NUP155: variants seen among roughly 807,000 people sequenced by gnomAD.
The protein encoded by NUP155 is nuclear pore complex protein Nup155.
NUP155 carries 71 observed loss-of-function variants against 180.4 expected under a neutral mutation model. The ratio of observed to expected loss-of-function variants is 0.39; its 90% CI spans 0.33 to 0.48. NUP155 has a LOEUF of 0.48. NUP155 is among the 20% of genes least tolerant of loss of function. The probability of loss-of-function intolerance (pLI) is 0.91; values close to 1 mark genes in which losing one functional copy is unlikely to be tolerated. For synonymous variants in NUP155, 582 were observed against 559.5 expected, an observed-to-expected ratio of 1.04 and a Z score of -0.57; for missense variants, 1,553 against 1,648.9, an observed-to-expected ratio of 0.94 and a Z score of 1.01.
intron 12 of NUP155, 150 bp from the exon 13 acceptor site, chr5:37,333,783 T>A: frequency 1.4e-6 from 1 of 689,988 alleles, no homozygotes; most frequent in Non-Finnish European, 2.4e-6. Flanking sequence ...TACTATCTTT[T>A]TTTTAAATCA....
rs146805624 is a variant in NUP155, at chr5:37,334,301, C to T, written c.1348-668G>A. ...TATGTTTTGTATGAACAGGGTTTTA[C>T]CATGTTGCCCAGGATGTTCTCGAAC... is the stretch of plus-strand genomic sequence containing the variant. On this transcript the variant is annotated intron_variant, in intron 12 of 34. Transcript: ENST00000231498. Among the ~76,000 whole-genome samples, 710 of 152,156 alleles carry T rather than the reference C, an allele frequency of 4.7e-3. 6 individuals are homozygous for T. The highest frequency in any genetic ancestry group is 6.8e-3 in the Non-Finnish European group (461 of 67,998).
chr5:37,345,886 G>A (rs1462807447), intron 9 of NUP155, among the ~76,000 whole-genome samples: 1 of 140,070 alleles, frequency 7.1e-6, no homozygotes, highest in Admixed American at 7.4e-5. Flanking sequence ...CCTGGGTGAC[G>A]TGACAGAGTG....
chr5:37,360,041 C>T (rs1457324532), intron 3 of NUP155, among the ~76,000 whole-genome samples: 1 of 151,852 alleles, frequency 6.6e-6, no homozygotes, highest in Non-Finnish European at 1.5e-5. Flanking sequence ...TCACTTGAAC[C>T]TGGGAGGTGG....
At chr5:37,349,096 T>C in intron 8 of NUP155, 76 bp downstream of exon 8, 1 of 393,578 alleles carries the variant, frequency 2.5e-6, no homozygotes, top group Non-Finnish European at 4.6e-6. Flanking sequence ...TAGGAAAAAT[T>C]TAAGAGGTGG....
intron 11 of NUP155, 127 bp downstream of exon 11, chr5:37,340,963 C>T (rs1388614391): frequency 1.3e-6 from 1 of 792,800 alleles, no homozygotes; most frequent in African/African-American, 1.7e-5. Flanking sequence ...CCCCTACTTC[C>T]CTGACCCTTC....
At chr5:37,357,371 C>A (rs760615778) in intron 4 of NUP155, among the ~76,000 whole-genome samples, 1 of 111,672 alleles carries the variant, frequency 9.0e-6, no homozygotes, top group Non-Finnish European at 1.7e-5. Flanking sequence ...CACTCCAGCC[C>A]GGGTGATAGA....
Position 37,334,305 on chromosome 5 carries a change from G to T in NUP155, c.1348-672C>A, listed in dbSNP as rs1465784539. The stretch of plus-strand genomic sequence containing the variant: ...TTTTGTATGAACAGGGTTTTACCAT[G>T]TTGCCCAGGATGTTCTCGAACTCCT... On this transcript the variant is annotated intron_variant, in intron 12 of 34. Coordinates refer to ENST00000231498, the MANE Select transcript of NUP155 (RefSeq NM_153485.3). Among the ~76,000 whole-genome samples the T allele has an allele frequency of 7.2e-5, 11 of 151,972 alleles. No individual in the cohort carries two copies. The East Asian group carries it at 2.1e-3, about 29-fold the overall frequency.
At chr5:37,314,030 T>C (rs77529419) in intron 22 of NUP155, among the ~76,000 whole-genome samples, 168 bp downstream of exon 22, 2,942 of 152,228 alleles carry the variant, frequency 0.019, 43 homozygotes, top group Middle Eastern at 0.037. Context: ...TTTGAAAAAA[T>C]AGGTCCCCCA....
chr5:37,320,086 G>A (rs1390853520), intron 20 of NUP155, among the ~76,000 whole-genome samples: 1 of 152,154 alleles, frequency 6.6e-6, no homozygotes, highest in African/African-American at 2.4e-5. Context: ...TCAGGCGGCT[G>A]AGTCTGAGAT....
chr5:37,337,870 C>T lies in NUP155; in HGVS notation c.1295G>A (p.Trp432Ter). 6.2e-7 allele frequency: 1 copy of T among 1,611,764 alleles called. No homozygotes were observed. Among genetic ancestry groups the T allele is most frequent in the Non-Finnish European group, 8.5e-7 (1 of 1,178,794 alleles). ...AGGAAAAGTATCATGGTTGACACAC[C>T]ATAAAATATCATTATCCTCATTTTC... ...ASENEDNDIL[W>*]CVNHDTFPFQ... Residue 432 changes from tryptophan to a stop codon, truncating the protein, a stop_gained, in exon 12 of 35, where the codon TGG (tryptophan) becomes TAG (stop). Coordinates refer to ENST00000231498, the MANE Select transcript of NUP155 (RefSeq NM_153485.3). LOFTEE classifies it high-confidence loss of function.
At chr5:37,338,300 A>G (rs1745479092) in intron 11 of NUP155, among the ~76,000 whole-genome samples, 1 of 145,066 alleles carries the variant, frequency 6.9e-6, no homozygotes, top group Non-Finnish European at 1.5e-5. Context: ...CCTGGGCGCC[A>G]GAGCAAGATT....
intron 32 of NUP155, among the ~76,000 whole-genome samples, chr5:37,297,255 C>T (rs1742636599): frequency 6.6e-6 from 1 of 152,060 alleles, no homozygotes; most frequent in African/African-American, 2.4e-5. Context: ...TGGCTTCAAG[C>T]AATCTTCCTG....
chr5:37,366,124 T>A (rs1747571503), intron 1 of NUP155, among the ~76,000 whole-genome samples: 1 of 152,126 alleles, frequency 6.6e-6, no homozygotes, highest in African/African-American at 2.4e-5. Context: ...TGGGCAACCT[T>A]TCTCTTGCTC....
intron 32 of NUP155, among the ~76,000 whole-genome samples, chr5:37,296,414 A>G (rs1742574099): frequency 6.6e-6 from 1 of 151,906 alleles, no homozygotes; most frequent in South Asian, 2.1e-4. Context: ...TGCTGTGTCC[A>G]CTCAGGGTTA....
In NUP155 at chr5:37,371,070, G is replaced by A. The variant is rs568442250; in HGVS notation, c.-93C>T. The A allele has an allele frequency of 1.2e-5, 16 of 1,387,950 alleles. No individual in the cohort carries two copies. Among genetic ancestry groups the A allele is most frequent in the Middle Eastern group, 2.0e-4 (1 of 4,966 alleles). The allele number at this position is 1,387,950 out of a possible 1,614,324, so 86.0% of individuals were successfully genotyped here. A position where few individuals can be genotyped will look rare whatever the true frequency, so the allele number is the denominator to read the frequency against. ...GAAGTTAGCTTAGATCCGCCGCCTA[G>A]GGCGCGCGCGCCAAACGAGCGCCTT... On this transcript the variant is annotated 5_prime_UTR_variant, in exon 1 of 35. Coordinates refer to ENST00000231498, the MANE Select transcript of NUP155 (RefSeq NM_153485.3).
intron 4 of NUP155, among the ~76,000 whole-genome samples, chr5:37,354,019 T>C (rs1403903626): frequency 6.6e-6 from 1 of 152,178 alleles, no homozygotes; most frequent in East Asian, 1.9e-4. Flanking sequence ...AGCTAGACAA[T>C]TTTAGAAAAT....
At position 37,292,908 on chromosome 5, in the gene NUP155, C is replaced by T. The variant is rs772461010; in HGVS notation, c.4008G>A (p.Glu1336=). The T allele has an allele frequency of 3.1e-6, 5 of 1,611,338 alleles. No individual in the cohort carries two copies. The highest frequency in any genetic ancestry group is 4.5e-5 in the East Asian group (2 of 44,710). The change falls in exon 34 of 35, where the codon GAG becomes GAA. Residue 1336 remains glutamate (E), a synonymous_variant. Coordinates refer to ENST00000231498, the MANE Select transcript of NUP155 (RefSeq NM_153485.3). Reference sequence around the variant, plus strand: ...CACAATTTAAAACTTGGCTGGGATTCTCAACATATCTTATCAATAATACAT... The same window carrying T: ...CACAATTTAAAACTTGGCTGGGATTTTCAACATATCTTATCAATAATACAT... ...CIHVLLIRYV[E]NPSQVLNCER...
rs1743475553 is a variant in NUP155 at position 37,310,702 on chromosome 5, A to G, written c.2478T>C (p.Leu826=). 2 of 1,613,852 alleles carry G rather than the reference A, an allele frequency of 1.2e-6. No homozygotes were observed. The highest frequency in any genetic ancestry group is 1.7e-6 in the Non-Finnish European group (2 of 1,179,886). Reference sequence around the variant, plus strand: ...CTGTGAGTTCTTTGTCCCTGATTACAAGATCTTTAAAGGTGGTGATCTTCA... The same window carrying G: ...CTGTGAGTTCTTTGTCCCTGATTACGAGATCTTTAAAGGTGGTGATCTTCA... ...EQLKITTFKD[L]VIRDKELTGA... Residue 826 remains leucine, a synonymous_variant, in exon 23 of 35, where the codon CTT becomes CTC. Coordinates refer to ENST00000231498, the MANE Select transcript of NUP155 (RefSeq NM_153485.3).
At chr5:37,301,682 G>A in intron 29 of NUP155, 132 bp from the exon 30 acceptor site, 1 of 687,998 alleles carries the variant, frequency 1.5e-6, no homozygotes, top group Non-Finnish European at 2.7e-6. Context: ...ATCATAATAG[G>A]CTAATATTAT....
Sources: gnomAD v4.1 joint callset for allele counts (sites outside exome capture counted in the v4.1 genomes callset) on GRCh38, gnomAD v4.1.1 for gene constraint, MANE v1.5 for transcripts, NCBI Gene and HGNC (gene_info 2026-07-23, HGNC 2026-07-21) for gene names.